STPG2: variants seen among roughly 807,000 people sequenced by gnomAD.
STPG2 encodes sperm tail PG-rich repeat containing 2, also known as sperm-tail PG-rich repeat-containing protein 2.
A neutral mutation model predicts 54.2 loss-of-function variants in STPG2; 56 were observed. The observed-to-expected ratio is 1.03, with a 90% CI of 0.83 to 1.29. The LOEUF (loss-of-function observed/expected upper bound fraction) is 1.29. Ranked by LOEUF, STPG2 falls within the 50% of genes most tolerant of loss-of-function variation. The pLI is 0.00. For synonymous variants in STPG2, 200 were observed against 181.8 expected, an observed-to-expected ratio of 1.10 and a Z score of -0.81; for missense variants, 596 against 544.9, an observed-to-expected ratio of 1.09 and a Z score of -0.93.
At chr4:97,827,712 C>T (rs1420756860) in intron 9 of STPG2, among the ~76,000 whole-genome samples, 1 of 152,154 alleles carries the variant, frequency 6.6e-6, no homozygotes, top group Non-Finnish European at 1.5e-5. Context: ...TAACAGGACA[C>T]AATTGGAGAA....
intron 10 of STPG2, among the ~76,000 whole-genome samples, chr4:97,672,097 T>C (rs2148969956): frequency 6.6e-6 from 1 of 152,110 alleles, no homozygotes; most frequent in Non-Finnish European, 1.5e-5. Context: ...AACAGAAGGT[T>C]TTCATTTCCA....
intron 5 of STPG2, among the ~76,000 whole-genome samples, chr4:98,071,963 G>T (rs939487805): frequency 6.6e-6 from 1 of 152,140 alleles, no homozygotes; most frequent in African/African-American, 2.4e-5. Flanking sequence ...GTTGGTGGGA[G>T]TGTAAACTAG....
intron 5 of STPG2, among the ~76,000 whole-genome samples, chr4:98,068,647 T>TATTTCAAAATTCATA (rs1737905133): frequency 6.6e-5 from 10 of 152,208 alleles, no homozygotes; most frequent in African/African-American, 2.4e-4. Flanking sequence ...GTTCCAGAAG[T>TATTTCAAAATTCATA]TGTGTGTAGG....
rs145313080 is a variant in STPG2, at chr4:97,464,979, C to T, written c.462+247720G>A. ...AGGTTAAGTTCTTTCCCCTGGAAAGCATAACTTTTTTTGGAAAAGGTTACA... is the reference window on the plus strand; with the variant it reads ...AGGTTAAGTTCTTTCCCCTGGAAAGTATAACTTTTTTTGGAAAAGGTTACA... On this transcript the variant is annotated intron_variant, in intron 4 of 4. Transcript: ENST00000522676. Among the ~76,000 whole-genome samples the T allele has an allele frequency of 1.8e-3, 279 of 152,216 alleles. 1 individual carries two copies. The highest frequency in any genetic ancestry group is 6.4e-3 in the African/African-American group (266 of 41,522).
In STPG2 at chr4:97,619,879, A is replaced by G. The variant is rs537323529; in HGVS notation, c.1321-60762T>C. On this transcript the variant is annotated intron_variant, in intron 10 of 10. Coordinates refer to ENST00000295268, the MANE Select transcript of STPG2 (RefSeq NM_174952.3). ...CGCTCTCTCTCTCAGTTTGGAGTGC[A>G]GTGGCGCAATCTCGGCTCACTGCAA... 2.0e-5 allele frequency among the ~76,000 whole-genome samples: 3 copies of G among 146,364 alleles called. 1 individual carries two copies. In the East Asian group the frequency reaches 6.1e-4, roughly 30 times the overall value.
intron 8 of STPG2, among the ~76,000 whole-genome samples, chr4:97,884,699 A>C (rs1730499773): frequency 6.6e-6 from 1 of 152,178 alleles, no homozygotes; most frequent in African/African-American, 2.4e-5. Context: ...AAAGAAAAAA[A>C]GAAGCAAAGA....
At chr4:97,749,061 T>A (rs1725503134) in intron 9 of STPG2, among the ~76,000 whole-genome samples, 1 of 151,636 alleles carries the variant, frequency 6.6e-6, no homozygotes, top group Admixed American at 6.6e-5. Flanking sequence ...ATGTTCCCAA[T>A]CAGTTGCTAG....
At position 97,858,195 on chromosome 4, in the gene STPG2, G is replaced by A. The variant is rs139121023; in HGVS notation, c.1045-17263C>T. ...GATAACAACATTCAATTACAAGAAGGATACAGAAATCCAAGCAGATTTACT... is the reference window on the plus strand; with the variant it reads ...GATAACAACATTCAATTACAAGAAGAATACAGAAATCCAAGCAGATTTACT... On this transcript the variant is annotated intron_variant, in intron 8 of 10. Transcript: ENST00000295268. 2.6e-3 allele frequency among the ~76,000 whole-genome samples: 394 copies of A among 151,914 alleles called. 3 individuals carry two copies. Among genetic ancestry groups the A allele is most frequent in the African/African-American group, 8.9e-3 (369 of 41,462 alleles).
chr4:98,121,727 T>C (rs1214998), intron 3 of STPG2, among the ~76,000 whole-genome samples: 1 of 151,058 alleles, frequency 6.6e-6, no homozygotes, highest in Non-Finnish European at 1.5e-5. Context: ...GTGATTTTTT[T>C]TGTGTGTGTG....
At chr4:97,858,917 G>C (rs1258372940) in intron 8 of STPG2, among the ~76,000 whole-genome samples, 2 of 152,178 alleles carry the variant, frequency 1.3e-5, no homozygotes, top group African/African-American at 4.8e-5. Flanking sequence ...ATACCCAGTA[G>C]TGGGATTACT....
At chr4:97,840,712 T>C in intron 9 of STPG2, 61 bp downstream of exon 9, 1 of 1,541,668 alleles carries the variant, frequency 6.5e-7, no homozygotes, top group Non-Finnish European at 8.7e-7. Flanking sequence ...ATTCTAGATA[T>C]TTTAATATGG....
At chr4:97,481,011 G>A (rs1448893357) in intron 4 of STPG2, among the ~76,000 whole-genome samples, 1 of 151,438 alleles carries the variant, frequency 6.6e-6, no homozygotes, top group Non-Finnish European at 1.5e-5. Flanking sequence ...TTTATTTTCA[G>A]TAAGTTTTAG....
At chr4:97,724,207 C>T (rs1724548278) in intron 9 of STPG2, among the ~76,000 whole-genome samples, 1 of 152,052 alleles carries the variant, frequency 6.6e-6, no homozygotes, top group Admixed American at 6.6e-5. Context: ...CTTCTCTATT[C>T]CTTTTTTTAA....
At chr4:97,860,852 C>G (rs1177786647) in intron 8 of STPG2, among the ~76,000 whole-genome samples, 1 of 152,114 alleles carries the variant, frequency 6.6e-6, no homozygotes, top group African/African-American at 2.4e-5. Flanking sequence ...TTGTCTTATT[C>G]CAGTTCTCAG....
At chr4:97,731,400 C>T (rs1457533437) in intron 9 of STPG2, among the ~76,000 whole-genome samples, 3 of 152,072 alleles carry the variant, frequency 2.0e-5, no homozygotes, top group Non-Finnish European at 4.4e-5. Flanking sequence ...AGAGTAAGGG[C>T]CAACAGACAG....
At chr4:97,517,916 A>C (rs573975763) in intron 4 of STPG2, among the ~76,000 whole-genome samples, 1 of 152,026 alleles carries the variant, frequency 6.6e-6, no homozygotes, top group Non-Finnish European at 1.5e-5. Flanking sequence ...AATATCAACC[A>C]TGTTGTCTTT....
intron 2 of STPG2, 93 bp from the exon 3 acceptor site, chr4:98,128,685 A>C: frequency 9.7e-7 from 1 of 1,032,472 alleles, no homozygotes; most frequent in Non-Finnish European, 1.4e-6. Flanking sequence ...GCAACTATTA[A>C]ATATTGATTT....
At chr4:97,779,729 TAA>T (rs1331770690) in intron 9 of STPG2, among the ~76,000 whole-genome samples, 3 of 152,172 alleles carry the variant, frequency 2.0e-5, no homozygotes, top group African/African-American at 7.2e-5. Context: ...TAACAGCGGA[TAA>T]CTCAGCAGAA....
intron 5 of STPG2, among the ~76,000 whole-genome samples, chr4:98,091,999 T>A (rs1241114829): frequency 6.6e-6 from 1 of 152,002 alleles, no homozygotes; most frequent in Non-Finnish European, 1.5e-5. Flanking sequence ...TTTATACACA[T>A]CTTAAAATTT....
Sources: gnomAD v4.1 joint callset for allele counts (sites outside exome capture counted in the v4.1 genomes callset) on GRCh38, gnomAD v4.1.1 for gene constraint, MANE v1.5 for transcripts, NCBI Gene and HGNC (gene_info 2026-07-23, HGNC 2026-07-21) for gene names.